Variants in DDX10 observed in about 807,000 individuals in gnomAD.
The protein encoded by DDX10 is DEAD-box helicase 10.
A neutral mutation model predicts 104.3 loss-of-function variants in DDX10; 74 were observed. The observed-to-expected ratio is 0.71, with a 90% confidence interval of 0.59 to 0.86. The LOEUF is 0.86. Among genes scored for constraint, DDX10 ranks in the 40% least tolerant of loss-of-function variants. The pLI is 0.00. For synonymous variants in DDX10, 351 were observed against 353.4 expected (o/e 0.99, Z 0.08); for missense variants, 952 against 1,040.0 (o/e 0.92, Z 1.16).
At chr11:108,759,961 G>A (rs1209762538) in intron 13 of DDX10, among the ~76,000 whole-genome samples, 2 of 151,154 alleles carry the variant, frequency 1.3e-5, no homozygotes, top group South Asian at 2.1e-4. Flanking sequence ...TGAAAGAAAC[G>A]GTTTTGATAT....
chr11:108,852,508 A>G (rs1004519622), intron 16 of DDX10, among the ~76,000 whole-genome samples: 5 of 152,286 alleles, frequency 3.3e-5, no homozygotes, highest in African/African-American at 9.6e-5. Context: ...TTTTGCATCT[A>G]TTAAATACAA....
chr11:108,740,125 T>G (rs2094323396), intron 13 of DDX10, among the ~76,000 whole-genome samples: 1 of 152,064 alleles, frequency 6.6e-6, no homozygotes, highest in South Asian at 2.1e-4. Context: ...TTTTTGACCC[T>G]CACTCACCTT....
At chr11:108,703,242 A>G (rs2094271022) in intron 9 of DDX10, among the ~76,000 whole-genome samples, 2 of 152,250 alleles carry the variant, frequency 1.3e-5, no homozygotes, top group Admixed American at 1.3e-4. Context: ...GTATACTCTA[A>G]GATATCATGT....
intron 13 of DDX10, among the ~76,000 whole-genome samples, chr11:108,830,123 G>T (rs1029116716): frequency 6.6e-6 from 1 of 152,234 alleles, no homozygotes; most frequent in East Asian, 1.9e-4. Flanking sequence ...TTTGATGGGA[G>T]TTGCATTGAA....
At chr11:108,839,828 CAT>C (rs573567406) in intron 14 of DDX10, among the ~76,000 whole-genome samples, 6 of 152,138 alleles carry the variant, frequency 3.9e-5, no homozygotes, top group African/African-American at 1.4e-4. Flanking sequence ...CTAGAATAGT[CAT>C]ATGACATCTG....
At position 108,769,430 on chromosome 11, in the gene DDX10, C is replaced by CT. The variant is rs1273888315; in HGVS notation, c.1965+45973dup. The stretch of plus-strand genomic sequence containing the variant: ...TCATTGCAATAAGTTATATTTGGTT[C>CT]TTTTTCTAATCTGCTCTTAAAAAAA... On this transcript the variant is annotated intron_variant, in intron 13 of 17. Coordinates refer to ENST00000322536, the MANE Select transcript of DDX10 (RefSeq NM_004398.4). Among the ~76,000 whole-genome samples, 4 of 151,718 alleles carry CT rather than the reference C, an allele frequency of 2.6e-5. No individual in the cohort carries two copies. In the South Asian group the frequency reaches 8.3e-4, roughly 32 times the overall value.
At chr11:108,823,189 A>G (rs1274342925) in intron 13 of DDX10, among the ~76,000 whole-genome samples, 1 of 152,178 alleles carries the variant, frequency 6.6e-6, no homozygotes, top group Admixed American at 6.5e-5. Context: ...AGAATATCCA[A>G]TTTTGAATAA....
At chr11:108,905,318 G>A (rs1378400016) in intron 16 of DDX10, among the ~76,000 whole-genome samples, 4 of 148,800 alleles carry the variant, frequency 2.7e-5, no homozygotes, top group Non-Finnish European at 6.0e-5. Context: ...TTTAAGGGGG[G>A]GGGGGGTTGA....
intron 3 of DDX10, among the ~76,000 whole-genome samples, chr11:108,676,347 C>T (rs1425739565): frequency 6.6e-6 from 1 of 152,036 alleles, no homozygotes; most frequent in African/African-American, 2.4e-5. Context: ...CTCTTAAATC[C>T]TAGTGTGTTT....
chr11:108,818,023 A>G (rs555851785), intron 13 of DDX10, among the ~76,000 whole-genome samples: 65 of 152,350 alleles, frequency 4.3e-4, no homozygotes, highest in African/African-American at 1.4e-3. Flanking sequence ...GTGTTTTAAT[A>G]CCTGTCTTTA....
At chr11:108,720,975 A>G (rs2094297649) in intron 12 of DDX10, among the ~76,000 whole-genome samples, 2 of 151,292 alleles carry the variant, frequency 1.3e-5, no homozygotes, top group African/African-American at 4.9e-5. Context: ...TGGGAGTGGT[A>G]AAAACATTGG....
At chr11:108,892,799 CTTATTTCTAAAAGG>C (rs1160125518) in intron 16 of DDX10, among the ~76,000 whole-genome samples, 1 of 152,070 alleles carries the variant, frequency 6.6e-6, no homozygotes, top group Non-Finnish European at 1.5e-5. Context: ...GAAGGAAGTT[CTTATTTCTAAAAGG>C]TTAATAACCT....
chr11:108,668,965 T>A (rs1235017862), intron 1 of DDX10, among the ~76,000 whole-genome samples: 2 of 152,184 alleles, frequency 1.3e-5, no homozygotes, highest in Admixed American at 6.5e-5. Context: ...CTCCTGGTGG[T>A]TGCAGCCTCA....
At chr11:108,773,542 G>A (rs993142028) in intron 13 of DDX10, among the ~76,000 whole-genome samples, 1 of 151,748 alleles carries the variant, frequency 6.6e-6, no homozygotes, top group African/African-American at 2.4e-5. Flanking sequence ...TTCCAACTGT[G>A]TGTACAGATG....
chr11:108,839,388 CTAT>C (rs1862605536), intron 14 of DDX10, among the ~76,000 whole-genome samples: 1 of 152,140 alleles, frequency 6.6e-6, no homozygotes, highest in East Asian at 1.9e-4. Context: ...CTATATTTGA[CTAT>C]TGTCAGTTTC....
chr11:108,809,826 G>A (rs1862153894), intron 13 of DDX10, among the ~76,000 whole-genome samples: 2 of 152,124 alleles, frequency 1.3e-5, no homozygotes, highest in Admixed American at 6.5e-5. Flanking sequence ...AATCTCTTTT[G>A]CATCTGTGTG....
At chr11:108,823,870 A>G in intron 13 of DDX10, among the ~76,000 whole-genome samples, 1 of 152,158 alleles carries the variant, frequency 6.6e-6, no homozygotes, top group Non-Finnish European at 1.5e-5. Context: ...TGTTATTTTG[A>G]TGCTCTCCCA....
intron 16 of DDX10, among the ~76,000 whole-genome samples, chr11:108,876,794 CT>C (rs1001934511): frequency 3.3e-5 from 5 of 152,068 alleles, no homozygotes; most frequent in African/African-American, 1.2e-4. Context: ...AAATCACATC[CT>C]TTTTTTGATT....
chr11:108,767,643 T>A (rs1488462002), intron 13 of DDX10, among the ~76,000 whole-genome samples: 2 of 152,252 alleles, frequency 1.3e-5, no homozygotes, highest in Non-Finnish European at 2.9e-5. Context: ...CCTTTACTTA[T>A]GCTGTTATGA....
Sources: allele counts gnomAD v4.1 joint callset (sites outside exome capture counted in the v4.1 genomes callset), GRCh38; gene constraint gnomAD v4.1.1; transcripts MANE v1.5; gene names NCBI Gene and HGNC (gene_info 2026-07-23, HGNC 2026-07-21).